OTUD7A: variants seen among roughly 807,000 people sequenced by gnomAD.
OTUD7A encodes the protein OTU domain-containing protein 7A.
OTUD7A carries 12 observed loss-of-function variants against 65.7 expected under a neutral mutation model. The observed-to-expected ratio is 0.18, with a 90% CI of 0.12 to 0.30. The LOEUF is 0.30. Among genes scored for constraint, OTUD7A ranks in the 10% least tolerant of loss-of-function variants. OTUD7A has a pLI of 1.00. For synonymous variants in OTUD7A, 641 were observed against 586.3 expected, an observed-to-expected ratio of 1.09 and a Z score of -1.35; for missense variants, 1,148 against 1,304.8, an observed-to-expected ratio of 0.88 and a Z score of 1.85.
intron 10 of OTUD7A, among the ~76,000 whole-genome samples, chr15:31,488,647 T>C (rs1487794650): frequency 6.6e-6 from 1 of 152,144 alleles, no homozygotes; most frequent in Non-Finnish European, 1.5e-5. Flanking sequence ...CTGGTGCCCA[T>C]GGTTCATGGC....
intron 1 of OTUD7A, among the ~76,000 whole-genome samples, chr15:31,677,840 G>A (rs977039483): frequency 1.3e-5 from 2 of 152,188 alleles, no homozygotes; most frequent in African/African-American, 2.4e-5. Context: ...ACCCAAGAAT[G>A]TGGAAGTGAC....
At chr15:31,668,979 T>C (rs1892405643) in intron 1 of OTUD7A, among the ~76,000 whole-genome samples, 1 of 152,252 alleles carries the variant, frequency 6.6e-6, no homozygotes, top group African/African-American at 2.4e-5. Flanking sequence ...GGGTATTGTC[T>C]GTACAGAGCC....
rs549557939 is a variant in OTUD7A, at chr15:31,507,224, T to C, written c.894-3406A>G. ...TTTTTAAAAATTTATGTCAAATTTC[T>C]ATATTATAGAAGTGATTAAGGGTAG... On this transcript the variant is annotated intron_variant, in intron 8 of 12. Transcript: ENST00000307050. Among the ~76,000 whole-genome samples the C allele has an allele frequency of 2.0e-5, 3 of 152,318 alleles. No homozygotes were observed. In the East Asian group the frequency reaches 5.8e-4, roughly 29 times the overall value.
intron 3 of OTUD7A, among the ~76,000 whole-genome samples, chr15:31,602,222 C>G (rs188805785): frequency 1.3e-5 from 2 of 152,062 alleles, no homozygotes; most frequent in African/African-American, 2.4e-5. Context: ...ACTGGCAAAC[C>G]GAATCCAGCA....
rs550892604 is a variant in OTUD7A at position 31,504,225 on chromosome 15, C to T, written c.894-407G>A. Among the ~76,000 whole-genome samples the T allele has an allele frequency of 2.6e-5, 4 of 152,156 alleles. No individual in the cohort carries two copies. In the South Asian group the frequency reaches 8.3e-4, roughly 32 times the overall value. The stretch of plus-strand genomic sequence containing the variant: ...TCTCCTGTTTATTTCTCTCAGGGAC[C>T]CAGGGGTTCCCTGGGCACATCTGAT... On this transcript the variant is annotated intron_variant, in intron 8 of 12. Coordinates refer to ENST00000307050, the MANE Select transcript of OTUD7A (RefSeq NM_001382637.1).
At position 31,827,018 on chromosome 15, in the gene OTUD7A, A is replaced by G. The variant is rs567640381; in HGVS notation, c.-100+43489T>C. On this transcript the variant is annotated intron_variant, in intron 1 of 12. Coordinates refer to ENST00000307050, the MANE Select transcript of OTUD7A (RefSeq NM_001382637.1). The stretch of plus-strand genomic sequence containing the variant: ...TCTAGGAGGTTCCAAACTTCCCCAC[A>G]TTTTCCTGTCTTCTTCGGAGCCCTC... Among the ~76,000 whole-genome samples, 18 of 152,120 alleles carry G rather than the reference A, an allele frequency of 1.2e-4. No individual in the cohort carries two copies. The South Asian group carries it at 3.5e-3, about 30-fold the overall frequency.
At chr15:31,595,757 A>T (rs1595639298) in intron 3 of OTUD7A, among the ~76,000 whole-genome samples, 1 of 152,158 alleles carries the variant, frequency 6.6e-6, no homozygotes, top group East Asian at 1.9e-4. Context: ...TTGAAAGAGA[A>T]TTGGCTTCCA....
At chr15:31,693,584 C>T (rs1301371761) in intron 1 of OTUD7A, among the ~76,000 whole-genome samples, 5 of 152,038 alleles carry the variant, frequency 3.3e-5, no homozygotes, top group Admixed American at 2.0e-4. Flanking sequence ...CAGACACACC[C>T]TTCTCAAAGC....
chr15:31,858,660 A>G (rs2141012948), intron 1 of OTUD7A, among the ~76,000 whole-genome samples: 1 of 152,342 alleles, frequency 6.6e-6, no homozygotes, highest in Admixed American at 6.5e-5. Flanking sequence ...AGGCAAACAT[A>G]ACAAGAACAA....
intron 1 of OTUD7A, among the ~76,000 whole-genome samples, chr15:31,759,396 G>A (rs147200898): frequency 1.6e-4 from 24 of 152,300 alleles, no homozygotes; most frequent in African/African-American, 5.1e-4. Context: ...GGTATCCAAT[G>A]GCCATGTGTG....
intron 3 of OTUD7A, among the ~76,000 whole-genome samples, chr15:31,611,538 T>G (rs923760265): frequency 6.6e-6 from 1 of 152,060 alleles, no homozygotes; most frequent in Non-Finnish European, 1.5e-5. Flanking sequence ...ACATCTTTAC[T>G]CACATACTAG....
intron 1 of OTUD7A, among the ~76,000 whole-genome samples, chr15:31,719,604 A>G (rs1406761297): frequency 6.6e-6 from 1 of 152,048 alleles, no homozygotes; most frequent in East Asian, 1.9e-4. Context: ...CCCTTGCAAT[A>G]CTGCAGCTCT....
intron 1 of OTUD7A, among the ~76,000 whole-genome samples, chr15:31,808,178 T>C (rs891913754): frequency 1.4e-5 from 2 of 143,728 alleles, no homozygotes; most frequent in East Asian, 2.1e-4. Flanking sequence ...AGGTTTCAAC[T>C]AAAACACAAC....
chr15:31,612,870 C>T (rs1257754817), intron 3 of OTUD7A, among the ~76,000 whole-genome samples: 1 of 152,160 alleles, frequency 6.6e-6, no homozygotes, highest in African/African-American at 2.4e-5. Context: ...AATCTGGAGG[C>T]ATCACACTAC....
At chr15:31,827,453 G>A (rs138780604) in intron 1 of OTUD7A, among the ~76,000 whole-genome samples, 2,007 of 152,298 alleles carry the variant, frequency 0.013, 46 homozygotes, top group African/African-American at 0.046. Context: ...CCCACAACAC[G>A]TGGGAATTAT....
chr15:31,842,194 G>A (rs1220199754), intron 1 of OTUD7A, among the ~76,000 whole-genome samples: 1 of 152,254 alleles, frequency 6.6e-6, no homozygotes, highest in African/African-American at 2.4e-5. Flanking sequence ...GCAAATCTAT[G>A]GTGTTAGAAG....
intron 3 of OTUD7A, among the ~76,000 whole-genome samples, chr15:31,583,970 C>T (rs1444053269): frequency 6.6e-6 from 1 of 152,138 alleles, no homozygotes; most frequent in African/African-American, 2.4e-5. Flanking sequence ...GAATTTCATA[C>T]TGGAAATGGT....
At chr15:31,733,084 C>T (rs185011876) in intron 1 of OTUD7A, among the ~76,000 whole-genome samples, 16 of 152,290 alleles carry the variant, frequency 1.1e-4, no homozygotes, top group Admixed American at 9.2e-4. Context: ...CTCTGGAGCC[C>T]GAGTTTCAGT....
At chr15:31,752,243 T>C (rs1894656932) in intron 1 of OTUD7A, among the ~76,000 whole-genome samples, 2 of 152,172 alleles carry the variant, frequency 1.3e-5, no homozygotes, top group African/African-American at 4.8e-5. Flanking sequence ...TGCTAAAGTA[T>C]GATGTGTATG....
Sources: gnomAD v4.1 joint callset for allele counts (sites outside exome capture counted in the v4.1 genomes callset) on GRCh38, gnomAD v4.1.1 for gene constraint, MANE v1.5 for transcripts, NCBI Gene and HGNC (gene_info 2026-07-23, HGNC 2026-07-21) for gene names.